RBFOX1: variants seen among roughly 807,000 people sequenced by gnomAD.
RBFOX1 encodes the protein RNA binding protein fox-1 homolog 1.
RBFOX1 carries 8 observed loss-of-function variants against 57.7 expected under a neutral mutation model. The observed-to-expected ratio is 0.14, with a 90% CI of 0.08 to 0.25. RBFOX1 has a LOEUF of 0.25. Among genes scored for constraint, RBFOX1 ranks in the 10% least tolerant of loss-of-function variants. The pLI, the probability that RBFOX1 is intolerant of heterozygous loss-of-function variation, is 1.00. For synonymous variants in RBFOX1, 326 were observed against 222.4 expected (o/e 1.47, Z -4.15); for missense variants, 611 against 548.5 (o/e 1.11, Z -1.14).
chr16:6,757,892 C>A (rs1372916450), intron 3 of RBFOX1, among the ~76,000 whole-genome samples: 1 of 152,154 alleles, frequency 6.6e-6, no homozygotes, highest in Admixed American at 6.5e-5. Flanking sequence ...ATCAAAATGT[C>A]ACATGTACCC....
chr16:6,542,358 G>A (rs2096832642), intron 2 of RBFOX1, among the ~76,000 whole-genome samples: 1 of 152,028 alleles, frequency 6.6e-6, no homozygotes, highest in Non-Finnish European at 1.5e-5. Flanking sequence ...CTAAATGCAG[G>A]GGTGAGGCAG....
intron 3 of RBFOX1, among the ~76,000 whole-genome samples, chr16:6,699,683 G>C (rs1187135823): frequency 6.6e-6 from 1 of 152,108 alleles, no homozygotes; most frequent in Non-Finnish European, 1.5e-5. Flanking sequence ...GATGGACAAG[G>C]CATTGGGTTA....
intron 4 of RBFOX1, among the ~76,000 whole-genome samples, chr16:7,363,176 G>C (rs1345448844): frequency 1.3e-5 from 2 of 152,144 alleles, no homozygotes; most frequent in Admixed American, 6.5e-5. Context: ...GGGAGAGACA[G>C]AACTGCACAA....
chr16:5,329,982 CAAAAAA>C (rs71142613), intron 1 of RBFOX1, among the ~76,000 whole-genome samples: 1 of 144,650 alleles, frequency 6.9e-6, no homozygotes. Flanking sequence ...GACTCTGTCT[CAAAAAA>C]AAAAAAAAAA....
At chr16:5,771,570 G>A (rs1597186339) in intron 3 of RBFOX1, among the ~76,000 whole-genome samples, 1 of 152,070 alleles carries the variant, frequency 6.6e-6, no homozygotes, top group East Asian at 1.9e-4. Flanking sequence ...CACCATGCCT[G>A]GCTAATTTTT....
intron 2 of RBFOX1, among the ~76,000 whole-genome samples, chr16:5,551,808 AGGTG>A (rs2045477531): frequency 7.3e-6 from 1 of 136,282 alleles, no homozygotes; most frequent in Non-Finnish European, 1.6e-5. Context: ...ACCCCCCGAC[AGGTG>A]CTGGTGTGTG....
intron 3 of RBFOX1, among the ~76,000 whole-genome samples, chr16:6,978,097 G>C (rs2087604961): frequency 7.2e-6 from 1 of 138,988 alleles, no homozygotes; most frequent in South Asian, 2.5e-4. Flanking sequence ...GTCAATTACA[G>C]CTGACTTTGC....
chr16:6,964,542 G>C (rs139953920), intron 3 of RBFOX1, among the ~76,000 whole-genome samples: 1 of 152,196 alleles, frequency 6.6e-6, no homozygotes, highest in Admixed American at 6.5e-5. Flanking sequence ...AGCTATGCCT[G>C]TGTGGGGCCA....
chr16:6,402,222 A>G (rs2093101158), intron 2 of RBFOX1, among the ~76,000 whole-genome samples: 1 of 152,168 alleles, frequency 6.6e-6, no homozygotes, highest in Admixed American at 6.5e-5. Context: ...AACTAGGCAT[A>G]TAGGAATGAC....
At chr16:6,469,938 A>G (rs183231871) in intron 2 of RBFOX1, among the ~76,000 whole-genome samples, 2 of 152,340 alleles carry the variant, frequency 1.3e-5, no homozygotes, top group Admixed American at 6.5e-5. Context: ...AAGAACTGCC[A>G]TCTTACTGGT....
chr16:5,728,100 A>T (rs924052786), intron 3 of RBFOX1, among the ~76,000 whole-genome samples: 1 of 152,230 alleles, frequency 6.6e-6, no homozygotes, highest in African/African-American at 2.4e-5. Flanking sequence ...AATCCCACTT[A>T]CGAGTGGACA....
Position 6,205,216 on chromosome 16 carries a change from T to G in RBFOX1, c.-126-111779T>G, listed in dbSNP as rs373667407. Among the ~76,000 whole-genome samples the G allele has an allele frequency of 9.2e-5, 14 of 152,300 alleles. No homozygotes were observed. In the East Asian group the frequency reaches 2.5e-3, roughly 27 times the overall value. On this transcript the variant is annotated intron_variant, in intron 1 of 15. Coordinates refer to ENST00000550418, the MANE Select transcript of RBFOX1 (RefSeq NM_018723.4). ...GGTTACTGCTTCATATATGGGAGAC[T>G]TGCTAGCTAGTTCCGAAGAGTCCTC...
intron 3 of RBFOX1, among the ~76,000 whole-genome samples, chr16:7,009,533 G>T (rs55655949): frequency 6.6e-6 from 1 of 152,066 alleles, no homozygotes; most frequent in Admixed American, 6.6e-5. Flanking sequence ...ATTGTGAAAT[G>T]GAAGGGATGA....
chr16:7,672,878 A>AAAAAAAAAAAAAAT (rs1404703036), intron 13 of RBFOX1, among the ~76,000 whole-genome samples: 1 of 149,758 alleles, frequency 6.7e-6, no homozygotes, highest in Non-Finnish European at 1.5e-5. Context: ...AAAAAAAAAA[A>AAAAAAAAAAAAAAT]AAAAAAAAAA....
At chr16:6,238,189 A>G (rs1026139587) in intron 1 of RBFOX1, among the ~76,000 whole-genome samples, 2 of 152,092 alleles carry the variant, frequency 1.3e-5, no homozygotes, top group African/African-American at 4.8e-5. Context: ...TGACATAAAA[A>G]TATTGCTATT....
At chr16:7,638,791 T>G (rs912052369) in intron 11 of RBFOX1, among the ~76,000 whole-genome samples, 1 of 152,144 alleles carries the variant, frequency 6.6e-6, no homozygotes, top group African/African-American at 2.4e-5. Context: ...AAAACTTTAT[T>G]TACAAAAATG....
chr16:6,524,078 T>C (rs1401289786), intron 2 of RBFOX1, among the ~76,000 whole-genome samples: 2 of 152,172 alleles, frequency 1.3e-5, no homozygotes, highest in African/African-American at 4.8e-5. Flanking sequence ...TGTTGTGCTA[T>C]CAAACACTAG....
intron 4 of RBFOX1, among the ~76,000 whole-genome samples, chr16:5,889,861 C>A (rs1276766879): frequency 3.9e-5 from 6 of 152,202 alleles, no homozygotes; most frequent in African/African-American, 1.4e-4. Flanking sequence ...GACATGAATT[C>A]ACCCCAGAAT....
At chr16:7,705,013 C>T (rs2081980864) in intron 14 of RBFOX1, among the ~76,000 whole-genome samples, 1 of 149,562 alleles carries the variant, frequency 6.7e-6, no homozygotes, top group East Asian at 2.0e-4. Context: ...CACTGCACTC[C>T]AGCCGAGGTG....
Sources: allele counts gnomAD v4.1 joint callset (sites outside exome capture counted in the v4.1 genomes callset), GRCh38; gene constraint gnomAD v4.1.1; transcripts MANE v1.5; gene names NCBI Gene and HGNC (gene_info 2026-07-23, HGNC 2026-07-21).